Variants in NRG3 observed in about 807,000 individuals in gnomAD.
NRG3 encodes the protein neuregulin 3.
A neutral mutation model predicts 66.9 loss-of-function variants in NRG3; 31 were observed. The ratio of observed to expected loss-of-function variants is 0.46; its 90% CI spans 0.35 to 0.63. The LOEUF (loss-of-function observed/expected upper bound fraction) is 0.63. Ranked by LOEUF, NRG3 falls within the 20% of genes least tolerant of loss-of-function variation. The pLI is 0.00. For missense variants in NRG3, 910 were observed against 878.9 expected (o/e 1.04, Z -0.45); for synonymous variants, 393 against 359.4 (o/e 1.09, Z -1.06).
intron 3 of NRG3, among the ~76,000 whole-genome samples, chr10:82,794,661 G>A (rs1207243035): frequency 2.0e-5 from 3 of 152,136 alleles, no homozygotes; most frequent in African/African-American, 7.2e-5. Flanking sequence ...AGCTCAAACA[G>A]GTCTTGGGTA....
rs1841539087 is a variant in NRG3, at chr10:81,875,526, G to A, written c.186G>A (p.Arg62=). Residue 62 remains arginine, a synonymous_variant, in exon 1 of 9, where the codon CGG becomes CGA. Transcript: ENST00000372141. This position sits in a 1 kb window ranked among gnomAD's most constrained non-coding sequence, Gnocchi z 5.3. ...LRCSDCIVWN[R]QQTWLCVVPL... ...GTAGCGACTGCATCGTGTGGAACCG[G>A]CAGCAGACGTGGCTGTGCGTGGTAC... 17 of 1,611,494 alleles carry A rather than the reference G, an allele frequency of 1.1e-5. No homozygotes were observed. Among genetic ancestry groups the A allele is most frequent in the Non-Finnish European group, 1.4e-5 (17 of 1,179,440 alleles).
chr10:81,932,399 A>G (rs918402914), intron 1 of NRG3, among the ~76,000 whole-genome samples: 3 of 152,162 alleles, frequency 2.0e-5, no homozygotes, highest in Admixed American at 6.5e-5. Flanking sequence ...GGGGATTTCA[A>G]TTCTACATGA....
intron 1 of NRG3, among the ~76,000 whole-genome samples, chr10:81,938,288 T>A (rs1848076522): frequency 2.0e-5 from 3 of 152,086 alleles, no homozygotes; most frequent in African/African-American, 7.2e-5. Flanking sequence ...TTGAAAGGGA[T>A]TTCAATGAAT....
At chr10:82,636,151 CT>C (rs1409310570) in intron 2 of NRG3, among the ~76,000 whole-genome samples, 1 of 151,876 alleles carries the variant, frequency 6.6e-6, no homozygotes, top group African/African-American at 2.4e-5. Flanking sequence ...TAGGATGAAC[CT>C]TTTTGTATGA....
intron 1 of NRG3, among the ~76,000 whole-genome samples, chr10:82,038,315 T>C (rs2062883300): frequency 6.6e-6 from 1 of 152,180 alleles, no homozygotes; most frequent in Admixed American, 6.6e-5. Context: ...CACATGTTAA[T>C]AGTACCAACT....
chr10:82,684,335 T>C (rs550721675), intron 2 of NRG3, among the ~76,000 whole-genome samples: 2 of 152,218 alleles, frequency 1.3e-5, no homozygotes, highest in Non-Finnish European at 1.5e-5. Context: ...ACTAAGGCCA[T>C]TTAACATGTC....
At chr10:82,913,797 G>A (rs1845562669) in intron 4 of NRG3, among the ~76,000 whole-genome samples, 1 of 152,090 alleles carries the variant, frequency 6.6e-6, no homozygotes, top group Non-Finnish European at 1.5e-5. Context: ...ATTTTCCATG[G>A]TTGGTATTCT....
At chr10:81,910,011 G>A (rs1844971529) in intron 1 of NRG3, among the ~76,000 whole-genome samples, 1 of 151,932 alleles carries the variant, frequency 6.6e-6, no homozygotes, top group South Asian at 2.1e-4. Flanking sequence ...TTGCACTATT[G>A]CACACTAAAA....
At chr10:81,883,981 G>A (rs753382593) in intron 1 of NRG3, among the ~76,000 whole-genome samples, 1 of 152,240 alleles carries the variant, frequency 6.6e-6, no homozygotes, top group Non-Finnish European at 1.5e-5. Context: ...TACATTCTTC[G>A]TGTTATTTAT....
intron 1 of NRG3, chr10:82,224,169 G>A (rs1032774253): frequency 7.9e-5 from 12 of 152,164 alleles, no homozygotes; most frequent in Non-Finnish European, 1.6e-4. Context: ...AGGCATTTAT[G>A]TTCATTGCCG....
chr10:82,918,746 G>C (rs772609998), intron 4 of NRG3, among the ~76,000 whole-genome samples: 3 of 152,092 alleles, frequency 2.0e-5, no homozygotes, highest in Non-Finnish European at 4.4e-5. Flanking sequence ...TTCAACTCCT[G>C]GGATTCCTTC....
At chr10:81,983,926 G>T (rs1272403167) in intron 1 of NRG3, among the ~76,000 whole-genome samples, 2 of 152,110 alleles carry the variant, frequency 1.3e-5, no homozygotes, top group Non-Finnish European at 2.9e-5. Flanking sequence ...GATTATCCTG[G>T]ATCATCCTGG....
At chr10:82,476,990 G>T (rs558917217) in intron 2 of NRG3, among the ~76,000 whole-genome samples, 1 of 152,288 alleles carries the variant, frequency 6.6e-6, no homozygotes, top group East Asian at 1.9e-4. Flanking sequence ...TTTCCCTTTT[G>T]GAAAGGATGG....
At chr10:82,234,014 G>T (rs867204830) in intron 1 of NRG3, among the ~76,000 whole-genome samples, 2 of 151,982 alleles carry the variant, frequency 1.3e-5, no homozygotes, top group Admixed American at 6.6e-5. Context: ...TATACTCCTA[G>T]CTGCTCTACA....
At chr10:82,858,096 A>G (rs1449880486) in intron 3 of NRG3, among the ~76,000 whole-genome samples, 2 of 152,162 alleles carry the variant, frequency 1.3e-5, no homozygotes, top group Non-Finnish European at 2.9e-5. Context: ...TCCTGCTGCC[A>G]TATTCTCTTA....
chr10:82,781,109 A>C (rs1283892605), intron 3 of NRG3, among the ~76,000 whole-genome samples: 2 of 152,104 alleles, frequency 1.3e-5, no homozygotes, highest in African/African-American at 4.8e-5. Context: ...GAAGATGTTG[A>C]GGCACAGTGT....
chr10:82,897,558 A>T (rs779268748), intron 4 of NRG3, among the ~76,000 whole-genome samples: 21 of 152,030 alleles, frequency 1.4e-4, no homozygotes, highest in Non-Finnish European at 2.5e-4. Context: ...TCTTTCTGTC[A>T]CCCAGGCTGA....
chr10:82,334,981 T>TA (rs2082316888), intron 1 of NRG3, among the ~76,000 whole-genome samples: 1 of 152,190 alleles, frequency 6.6e-6, no homozygotes, highest in Admixed American at 6.5e-5. Flanking sequence ...ATTCTCATTT[T>TA]AAAAAATCTT....
intron 2 of NRG3, among the ~76,000 whole-genome samples, chr10:82,487,456 C>T (rs1017094039): frequency 2.6e-5 from 4 of 152,008 alleles, no homozygotes; most frequent in African/African-American, 9.7e-5. Flanking sequence ...ACCTGAGGGA[C>T]CAGCTTTGTA....
Sources: allele counts gnomAD v4.1 joint callset (sites outside exome capture counted in the v4.1 genomes callset), GRCh38; gene constraint gnomAD v4.1.1; non-coding constraint Gnocchi (gnomAD v3.1); transcripts MANE v1.5; gene names NCBI Gene and HGNC (gene_info 2026-07-23, HGNC 2026-07-21).